TBCD: variants seen among roughly 807,000 people sequenced by gnomAD.
TBCD encodes tubulin-specific chaperone D.
Under a neutral mutation model 169.3 loss-of-function variants are expected in TBCD, and 105 were observed. The ratio of observed to expected loss-of-function variants is 0.62; its 90% CI spans 0.53 to 0.73. The LOEUF (loss-of-function observed/expected upper bound fraction) is 0.73. Ranked by LOEUF, TBCD falls within the 30% of genes least tolerant of loss-of-function variation. The probability of loss-of-function intolerance (pLI) is 0.00; values close to 1 mark genes in which losing one functional copy is unlikely to be tolerated. For synonymous variants in TBCD, 700 were observed against 643.9 expected (o/e 1.09, Z -1.32); for missense variants, 1,444 against 1,600.1 (o/e 0.90, Z 1.66).
chr17:82,897,208 C>T (rs2059548441), intron 17 of TBCD, among the ~76,000 whole-genome samples: 1 of 151,960 alleles, frequency 6.6e-6, no homozygotes, highest in Non-Finnish European at 1.5e-5. Flanking sequence ...ATTCCTAAGT[C>T]AAAGCCTTTT....
chr17:82,802,387 A>C (rs181770221), intron 9 of TBCD, among the ~76,000 whole-genome samples: 1 of 152,242 alleles, frequency 6.6e-6, no homozygotes, highest in East Asian at 1.9e-4. Flanking sequence ...TTGGGTGTGC[A>C]GCTCACTCTG....
intron 1 of TBCD, among the ~76,000 whole-genome samples, chr17:82,753,713 A>G (rs1381211151): frequency 6.6e-6 from 1 of 151,486 alleles, no homozygotes; most frequent in Non-Finnish European, 1.5e-5. Context: ...TCAGCCTCCC[A>G]AAGTGTTGAG....
intron 29 of TBCD, among the ~76,000 whole-genome samples, 159 bp downstream of exon 29, chr17:82,927,482 C>T (rs1476301142): frequency 2.6e-5 from 4 of 152,198 alleles, no homozygotes; most frequent in Middle Eastern, 3.2e-3. Context: ...TCTCTGCTCC[C>T]GGGTGAGCCT....
intron 31 of TBCD, 34 bp downstream of exon 31, chr17:82,929,305 C>T (rs2062011281): frequency 6.2e-7 from 1 of 1,611,270 alleles, no homozygotes; most frequent in Non-Finnish European, 8.5e-7. Context: ...CGTGCTGGCC[C>T]CGCAGCCATG....
intron 14 of TBCD, among the ~76,000 whole-genome samples, chr17:82,879,309 C>T (rs2058194882): frequency 2.0e-5 from 3 of 152,122 alleles, no homozygotes; most frequent in South Asian, 2.1e-4. Context: ...TTTGCACAGA[C>T]ACCAGCTCTA....
At chr17:82,897,964 C>T (rs989925017) in intron 17 of TBCD, among the ~76,000 whole-genome samples, 13 of 150,864 alleles carry the variant, frequency 8.6e-5, no homozygotes, top group Non-Finnish European at 1.5e-4. Flanking sequence ...GCACACGTCA[C>T]GGCTCTGTTC....
At chr17:82,856,740 GCGGAC>G (rs1416817937) in intron 13 of TBCD, among the ~76,000 whole-genome samples, 1 of 148,828 alleles carries the variant, frequency 6.7e-6, no homozygotes, top group Admixed American at 6.6e-5. Flanking sequence ...TGGACCGCGT[GCGGAC>G]CCTCGCTGCG....
rs544252261 is a variant in TBCD, at chr17:82,835,626, T to C, written c.1318+20692T>C. On this transcript the variant is annotated intron_variant, in intron 13 of 38. Coordinates refer to ENST00000355528, the MANE Select transcript of TBCD (RefSeq NM_005993.5). This position sits in a 1 kb window ranked among gnomAD's most constrained non-coding sequence, Gnocchi z 4.5. ...TTTTAGTAGAGATGGGGTTTCACTATGTTGGCCCGGCTGGTCTTGAACTCC... is the reference window on the plus strand; with the variant it reads ...TTTTAGTAGAGATGGGGTTTCACTACGTTGGCCCGGCTGGTCTTGAACTCC... Among the ~76,000 whole-genome samples the C allele has an allele frequency of 1.3e-5, 2 of 152,216 alleles. No homozygotes were observed. The highest frequency in any genetic ancestry group is 3.9e-4 in the East Asian group (2 of 5,174).
intron 13 of TBCD, among the ~76,000 whole-genome samples, chr17:82,868,432 T>C (rs1197653898): frequency 6.6e-6 from 1 of 152,176 alleles, no homozygotes; most frequent in Non-Finnish European, 1.5e-5. Context: ...GCGTCGTGGC[T>C]GGGCTGAGAG....
intron 13 of TBCD, among the ~76,000 whole-genome samples, chr17:82,844,284 C>T (rs1344125806): frequency 4.1e-5 from 6 of 147,494 alleles, no homozygotes; most frequent in Non-Finnish European, 3.0e-5. Context: ...ACTTGAACTC[C>T]GGGTCTCAAG....
intron 8 of TBCD, among the ~76,000 whole-genome samples, chr17:82,798,559 C>T (rs529874779): frequency 5.3e-5 from 8 of 151,508 alleles, no homozygotes; most frequent in East Asian, 2.0e-4. Context: ...GGATTACAGG[C>T]GTAATAACTG....
At chr17:82,813,855 G>A (rs778314045) in intron 12 of TBCD, among the ~76,000 whole-genome samples, 2 of 152,190 alleles carry the variant, frequency 1.3e-5, no homozygotes, top group Non-Finnish European at 2.9e-5. Context: ...GGTGGACGCT[G>A]GTGTCTGTCT....
At chr17:82,850,140 G>C (rs2055604982) in intron 13 of TBCD, among the ~76,000 whole-genome samples, 1 of 100,920 alleles carries the variant, frequency 9.9e-6, no homozygotes, top group Non-Finnish European at 2.0e-5. Context: ...GTTGTTGGCT[G>C]TGCTGTTGTT....
chr17:82,769,538 A>G (rs1479931411), intron 5 of TBCD, among the ~76,000 whole-genome samples: 3 of 152,190 alleles, frequency 2.0e-5, no homozygotes, highest in Non-Finnish European at 4.4e-5. Flanking sequence ...GCACCGTTCA[A>G]ACACTCATAG....
intron 16 of TBCD, among the ~76,000 whole-genome samples, chr17:82,891,572 G>C (rs2059140065): frequency 6.6e-6 from 1 of 152,232 alleles, no homozygotes; most frequent in Non-Finnish European, 1.5e-5. Context: ...CGAGAACTTG[G>C]CAAGGCAAAG....
chr17:82,925,930 C>T (rs979165198), intron 27 of TBCD, among the ~76,000 whole-genome samples: 7 of 149,554 alleles, frequency 4.7e-5, no homozygotes, highest in African/African-American at 1.7e-4. Context: ...GAGGTGACCT[C>T]TCCCCGGGTG....
chr17:82,902,162 C>G (rs530387051), intron 18 of TBCD, among the ~76,000 whole-genome samples: 1 of 152,296 alleles, frequency 6.6e-6, no homozygotes, highest in African/African-American at 2.4e-5. Flanking sequence ...GACCCTTTAT[C>G]TTTGCGGAAC....
At chr17:82,815,342 C>A (rs2051797999) in intron 13 of TBCD, among the ~76,000 whole-genome samples, 1 of 152,248 alleles carries the variant, frequency 6.6e-6, no homozygotes, top group Non-Finnish European at 1.5e-5. Flanking sequence ...CTTAAGGACA[C>A]ATGCAGTGGC....
rs754019242 is a variant in TBCD at position 82,864,246 on chromosome 17, T to C, written c.1319-5978T>C. On this transcript the variant is annotated intron_variant, in intron 13 of 38. Transcript: ENST00000355528. This position sits in a 1 kb window ranked among gnomAD's most constrained non-coding sequence, Gnocchi z 6.3. ...CAGGGCTCTTTGAAGCGTCTCACTT[T>C]TTAATTTCATGAAGAAACAAATGTA... The C allele has an allele frequency of 4.6e-5, 7 of 152,244 alleles. No individual in the cohort carries two copies. The highest frequency in any genetic ancestry group is 1.0e-4 in the Non-Finnish European group (7 of 68,046). The allele number at this position is 152,244 out of a possible 1,614,324, so 9.4% of individuals were successfully genotyped here.
Sources: gnomAD v4.1 joint callset for allele counts (sites outside exome capture counted in the v4.1 genomes callset) on GRCh38, gnomAD v4.1.1 for gene constraint, Gnocchi (gnomAD v3.1) non-coding constraint, MANE v1.5 for transcripts, NCBI Gene and HGNC (gene_info 2026-07-23, HGNC 2026-07-21) for gene names.